Variants in SAMD15 observed in about 807,000 individuals in gnomAD.
SAMD15 encodes the protein sterile alpha motif domain containing 15.
In SAMD15, 37 loss-of-function variants were observed where a neutral mutation model predicts 50.5. The ratio of observed to expected loss-of-function variants is 0.73; its 90% CI spans 0.56 to 0.96. SAMD15 has a LOEUF of 0.96. Ranked by LOEUF, SAMD15 falls within the 40% of genes least tolerant of loss-of-function variation. The pLI is 0.00. For synonymous variants in SAMD15, 255 were observed against 282.8 expected, an observed-to-expected ratio of 0.90 and a Z score of 0.99; for missense variants, 789 against 783.8, an observed-to-expected ratio of 1.01 and a Z score of -0.08.
At position 77,380,527 on chromosome 14, in the gene SAMD15, C is replaced by T. The variant is rs369352534; in HGVS notation, c.1788+46C>T. 2.5e-5 allele frequency: 32 copies of T among 1,301,780 alleles called. No homozygotes were observed. In the African/African-American group the frequency reaches 4.4e-4, roughly 18 times the overall value. The allele number at this position is 1,301,780 out of a possible 1,614,324, so 80.6% of individuals were successfully genotyped here. On this transcript the variant is annotated intron_variant, in intron 2 of 2. Coordinates refer to ENST00000216471, the MANE Select transcript of SAMD15 (RefSeq NM_001010860.4). ...CCCTACAGAGCACTGTTAACAGTGC[C>T]ACCATCTGTCTCAAACCAACCTTTT... is the stretch of plus-strand genomic sequence containing the variant.
At position 77,388,932 on chromosome 14, in the gene SAMD15, A is replaced by G. The variant is rs577749077; in HGVS notation, c.1789-2076A>G. 6.6e-5 allele frequency among the ~76,000 whole-genome samples: 10 copies of G among 152,114 alleles called. No homozygotes were observed. In the Middle Eastern group the frequency reaches 0.01, roughly 155 times the overall value. On this transcript the variant is annotated intron_variant, in intron 2 of 2. Transcript: ENST00000216471. Reference sequence around the variant, plus strand: ...TGGATCTCAGTTCTTAGAAGCCCCAACTGATAAAGATCTCAATTAGAATTC... The same window carrying G: ...TGGATCTCAGTTCTTAGAAGCCCCAGCTGATAAAGATCTCAATTAGAATTC...
intron 2 of SAMD15, among the ~76,000 whole-genome samples, chr14:77,385,946 CAAATA>C (rs1167771762): frequency 4.6e-5 from 7 of 151,156 alleles, no homozygotes; most frequent in Non-Finnish European, 1.0e-4. Flanking sequence ...CTCCTGGGCT[CAAATA>C]ATCCTCCCAC....
chr14:77,384,845 T>C (rs1893986270), intron 2 of SAMD15, among the ~76,000 whole-genome samples: 1 of 152,168 alleles, frequency 6.6e-6, no homozygotes, highest in Non-Finnish European at 1.5e-5. Flanking sequence ...TACACAAATA[T>C]CTATCTTATT....
intron 1 of SAMD15, 105 bp downstream of exon 1, chr14:77,379,212 A>T: frequency 9.2e-7 from 1 of 1,088,206 alleles, no homozygotes. Context: ...AGGAGTATCA[A>T]AAAGTCCTAG....
rs1007181155 is a variant in SAMD15 at position 77,391,895 on chromosome 14, A to T, written c.*651A>T. ...AAGGTGAAGCCCTGTCTCTACTAAA[A>T]ATACAAAAATTAGCTGGGCATGGTG... On this transcript the variant is annotated 3_prime_UTR_variant, in exon 3 of 3. Coordinates refer to ENST00000216471, the MANE Select transcript of SAMD15 (RefSeq NM_001010860.4). Among the ~76,000 whole-genome samples the T allele has an allele frequency of 2.0e-5, 3 of 152,076 alleles. No homozygotes were observed. The highest frequency in any genetic ancestry group is 4.8e-5 in the African/African-American group (2 of 41,428).
intron 2 of SAMD15, among the ~76,000 whole-genome samples, chr14:77,383,192 C>T (rs889537312): frequency 1.3e-5 from 2 of 152,130 alleles, no homozygotes; most frequent in South Asian, 4.1e-4. Flanking sequence ...GCTCTGCCTA[C>T]GGAGCAGCCA....
rs192914119 is a variant in SAMD15, at chr14:77,382,791, C to T, written c.1788+2310C>T. Among the ~76,000 whole-genome samples the T allele has an allele frequency of 6.4e-4, 98 of 152,160 alleles. 1 individual carries two copies. The highest frequency in any genetic ancestry group is 2.1e-3 in the African/African-American group (87 of 41,524). On this transcript the variant is annotated intron_variant, in intron 2 of 2. Coordinates refer to ENST00000216471, the MANE Select transcript of SAMD15 (RefSeq NM_001010860.4). Reference sequence around the variant, plus strand: ...AGTGCAGTGGCTCGATTTCAGCTCACGGCAACCTCCGCCTCCCAGGTTCAA... The same window carrying T: ...AGTGCAGTGGCTCGATTTCAGCTCATGGCAACCTCCGCCTCCCAGGTTCAA...
chr14:77,380,432 A>G lies in SAMD15; in HGVS notation c.1739A>G (p.Asn580Ser). 6.2e-7 allele frequency: 1 copy of G among 1,613,954 alleles called. No individual in the cohort carries two copies. ...FISGRKLIHV[N>S]CSNLPQMGIT... ...AGTGGCCGAAAACTCATTCACGTCAACTGCTCAAACCTCCCTCAGATGGGG... is the reference window on the plus strand; with the variant it reads ...AGTGGCCGAAAACTCATTCACGTCAGCTGCTCAAACCTCCCTCAGATGGGG... Residue 580 changes from asparagine (N) to serine (S), a missense_variant, in exon 2 of 3, where the codon AAC becomes AGC. Physicochemically the swap from Asn to Ser is conservative, Grantham distance 46. Around this residue, in one of 2 missense-constraint regions of SAMD15, gnomAD observed 770 missense variants for 745.4 expected, o/e 1.03. Coordinates refer to ENST00000216471, the MANE Select transcript of SAMD15 (RefSeq NM_001010860.4).
intron 2 of SAMD15, 80 bp downstream of exon 2, chr14:77,380,561 A>G (rs1423160253): frequency 3.7e-5 from 33 of 881,222 alleles, no homozygotes; most frequent in Non-Finnish European, 5.9e-5. Context: ...TTTTTCCTCC[A>G]GCCTGGCCTC....
intron 2 of SAMD15, among the ~76,000 whole-genome samples, chr14:77,386,015 T>A (rs1241597621): frequency 6.6e-6 from 1 of 151,792 alleles, no homozygotes. Context: ...ACCCGTCTAA[T>A]TTTTTGTACT....
At chr14:77,388,424 TG>T (rs1894032179) in intron 2 of SAMD15, among the ~76,000 whole-genome samples, 1 of 148,780 alleles carries the variant, frequency 6.7e-6, no homozygotes, top group Admixed American at 6.7e-5. Context: ...TGTGTGTGTG[TG>T]TGTTTGCTTT....
chr14:77,386,095 A>G (rs1894002988), intron 2 of SAMD15, among the ~76,000 whole-genome samples: 3 of 152,038 alleles, frequency 2.0e-5, no homozygotes, highest in Non-Finnish European at 4.4e-5. Context: ...AGCTCAAGCA[A>G]TCCACCCACC....
intron 2 of SAMD15, among the ~76,000 whole-genome samples, chr14:77,382,060 C>G (rs536909127): frequency 2.6e-5 from 4 of 152,058 alleles, no homozygotes; most frequent in African/African-American, 7.2e-5. Context: ...CCTCAGCCCC[C>G]CAAGTAGCTG....
At chr14:77,382,536 A>G (rs1893955034) in intron 2 of SAMD15, among the ~76,000 whole-genome samples, 2 of 152,176 alleles carry the variant, frequency 1.3e-5, no homozygotes, top group South Asian at 4.1e-4. Flanking sequence ...CTGGGATTAT[A>G]GGCATGAGCC....
chr14:77,387,035 C>T (rs988637671), intron 2 of SAMD15, among the ~76,000 whole-genome samples: 20 of 152,200 alleles, frequency 1.3e-4, no homozygotes, highest in Non-Finnish European at 5.9e-5. Context: ...TAATCATCCT[C>T]ACAAATACCT....
chr14:77,386,838 ACAG>A (rs1299832893), intron 2 of SAMD15, among the ~76,000 whole-genome samples: 2 of 152,188 alleles, frequency 1.3e-5, no homozygotes, highest in Non-Finnish European at 2.9e-5. Flanking sequence ...AAATAAAAGA[ACAG>A]CAGCCTTTGA....
chr14:77,381,918 C>T (rs533614801), intron 2 of SAMD15, among the ~76,000 whole-genome samples: 62 of 151,878 alleles, frequency 4.1e-4, no homozygotes, highest in Non-Finnish European at 1.3e-4. Flanking sequence ...TCAGATAATA[C>T]GTTTTTTCTG....
At chr14:77,390,654 C>T (rs1894061593) in intron 2 of SAMD15, among the ~76,000 whole-genome samples, 2 of 152,120 alleles carry the variant, frequency 1.3e-5, no homozygotes, top group African/African-American at 4.8e-5. Flanking sequence ...CTTTGGGAGG[C>T]CAAGGTGGGC....
At position 77,377,769 on chromosome 14, in the gene SAMD15, GT is replaced by G. The variant is rs1452149008; in HGVS notation, c.356del (p.Phe119SerfsTer17). The G allele has an allele frequency of 1.2e-6, 2 of 1,614,126 alleles. No individual in the cohort carries two copies. Among genetic ancestry groups the G allele is most frequent in the Non-Finnish European group, 1.7e-6 (2 of 1,180,032 alleles). ...CGGAAACATCCAGAGAGATGGGAGAGTTTTTCAAAGATTTGGAGGCCCCTAT... is the reference window on the plus strand; with the variant it reads ...CGGAAACATCCAGAGAGATGGGAGAGTTTTCAAAGATTTGGAGGCCCCTAT... ...KSETSREMGE[F>X]FKDLEAPMDE... On this transcript the variant is annotated frameshift_variant, in exon 1 of 3. Coordinates refer to ENST00000216471, the MANE Select transcript of SAMD15 (RefSeq NM_001010860.4). LOFTEE classifies it high-confidence loss of function.
Sources: allele counts gnomAD v4.1 joint callset (sites outside exome capture counted in the v4.1 genomes callset), GRCh38; gene constraint gnomAD v4.1.1; regional missense constraint gnomAD v4.1.1; transcripts MANE v1.5; gene names NCBI Gene and HGNC (gene_info 2026-07-23, HGNC 2026-07-21).